CNBD1: variants seen among roughly 807,000 people sequenced by gnomAD.
The protein encoded by CNBD1 is cyclic nucleotide binding domain containing 1, also known as cyclic nucleotide-binding domain-containing protein 1.
CNBD1 carries 71 observed loss-of-function variants against 54.4 expected under a neutral mutation model. The observed-to-expected ratio is 1.30, with a 90% CI of 1.08 to 1.59. CNBD1 has a LOEUF of 1.59. Among genes scored for constraint, CNBD1 ranks in the 40% most tolerant of loss-of-function variants. CNBD1 has a pLI of 0.00. For synonymous variants in CNBD1, 182 were observed against 170.7 expected (o/e 1.07, Z -0.51); for missense variants, 659 against 518.0 (o/e 1.27, Z -2.64).
chr8:87,216,193 A>C (rs1814208087), intron 5 of CNBD1, among the ~76,000 whole-genome samples: 2 of 152,184 alleles, frequency 1.3e-5, no homozygotes, highest in African/African-American at 4.8e-5. Flanking sequence ...GCTCCTAGAG[A>C]GCCCTGTGAT....
intron 4 of CNBD1, among the ~76,000 whole-genome samples, chr8:87,050,940 A>C (rs1810298775): frequency 6.6e-6 from 1 of 152,162 alleles, no homozygotes; most frequent in Non-Finnish European, 1.5e-5. Context: ...GGAATCCTTA[A>C]GGTGAATCTG....
rs199825916 is a variant in CNBD1 at position 87,220,866 on chromosome 8, C to T, written c.577+14728C>T. Among the ~76,000 whole-genome samples the T allele has an allele frequency of 3.3e-5, 5 of 151,594 alleles. No homozygotes were observed. The South Asian group carries it at 8.3e-4, about 25-fold the overall frequency. ...AAAATGTGGGTATATTTTAATATCTCGATAGTTGTCTACAAATGATCAGAA... is the reference window on the plus strand; with the variant it reads ...AAAATGTGGGTATATTTTAATATCTTGATAGTTGTCTACAAATGATCAGAA... On this transcript the variant is annotated intron_variant, in intron 5 of 10. Transcript: ENST00000518476.
At chr8:87,267,077 A>G (rs1002856023) in intron 6 of CNBD1, among the ~76,000 whole-genome samples, 3 of 152,304 alleles carry the variant, frequency 2.0e-5, no homozygotes, top group African/African-American at 7.2e-5. Flanking sequence ...AAGACAAGGC[A>G]CACACTGAGT....
intron 4 of CNBD1, among the ~76,000 whole-genome samples, chr8:87,042,955 T>C (rs1226215064): frequency 2.0e-5 from 3 of 152,112 alleles, no homozygotes; most frequent in African/African-American, 2.4e-5. Flanking sequence ...GTGTGTGTTG[T>C]TGTGGGTGGA....
intron 4 of CNBD1, among the ~76,000 whole-genome samples, chr8:86,987,696 G>A (rs1381923124): frequency 6.6e-6 from 1 of 152,104 alleles, no homozygotes; most frequent in Non-Finnish European, 1.5e-5. Flanking sequence ...CGTCTGTTGG[G>A]AGTTTGTATC....
intron 4 of CNBD1, among the ~76,000 whole-genome samples, chr8:87,036,467 G>A (rs1176675026): frequency 6.6e-5 from 10 of 151,878 alleles, no homozygotes; most frequent in Admixed American, 1.3e-4. Context: ...GGTGGTGGGC[G>A]CCTGTAGTCC....
chr8:87,288,144 C>T (rs748374658), intron 8 of CNBD1, among the ~76,000 whole-genome samples: 3 of 152,044 alleles, frequency 2.0e-5, no homozygotes, highest in Non-Finnish European at 2.9e-5. Flanking sequence ...ATTCAAGTAC[C>T]TGTAATGATG....
chr8:87,128,836 C>A (rs1024353838), intron 4 of CNBD1, among the ~76,000 whole-genome samples: 7 of 150,454 alleles, frequency 4.7e-5, no homozygotes, highest in African/African-American at 1.7e-4. Context: ...TTAATCCTAG[C>A]ACTTTGGGAG....
intron 8 of CNBD1, among the ~76,000 whole-genome samples, chr8:87,289,517 A>G (rs1241004951): frequency 6.6e-6 from 1 of 152,088 alleles, no homozygotes; most frequent in Non-Finnish European, 1.5e-5. Flanking sequence ...AAAATGGTAA[A>G]CTGACTTGGC....
chr8:87,422,818 T>G (rs958248190), intron 2 of CNBD1, among the ~76,000 whole-genome samples: 2 of 152,148 alleles, frequency 1.3e-5, no homozygotes, highest in Non-Finnish European at 2.9e-5. Flanking sequence ...AAGAAAGGCA[T>G]TGGTAGCTTG....
intron 10 of CNBD1, among the ~76,000 whole-genome samples, chr8:87,360,822 T>C (rs1810510611): frequency 6.6e-6 from 1 of 151,966 alleles, no homozygotes; most frequent in Non-Finnish European, 1.5e-5. Flanking sequence ...TCTGAAAGTT[T>C]CTGCTTGTTT....
intron 4 of CNBD1, among the ~76,000 whole-genome samples, chr8:87,018,783 C>T (rs1317674892): frequency 6.6e-6 from 1 of 152,110 alleles, no homozygotes; most frequent in Non-Finnish European, 1.5e-5. Context: ...GGCCCAGGGA[C>T]TATTGCAGAA....
At chr8:87,107,805 C>T (rs1811572939) in intron 4 of CNBD1, among the ~76,000 whole-genome samples, 1 of 152,190 alleles carries the variant, frequency 6.6e-6, no homozygotes, top group South Asian at 2.1e-4. Context: ...GAACTGATCT[C>T]CTGGGAAGGC....
At chr8:87,160,470 TCA>T (rs1315098758) in intron 4 of CNBD1, among the ~76,000 whole-genome samples, 1 of 152,156 alleles carries the variant, frequency 6.6e-6, no homozygotes, top group Non-Finnish European at 1.5e-5. Flanking sequence ...TTCGTTTGTT[TCA>T]GAGTAGCATT....
At chr8:87,003,743 A>G (rs1809039558) in intron 4 of CNBD1, among the ~76,000 whole-genome samples, 1 of 152,180 alleles carries the variant, frequency 6.6e-6, no homozygotes, top group African/African-American at 2.4e-5. Flanking sequence ...ACAAAGGGAG[A>G]AGGAGGAAAT....
chr8:87,342,239 C>T (rs1188907617), intron 8 of CNBD1, among the ~76,000 whole-genome samples: 1 of 150,920 alleles, frequency 6.6e-6, no homozygotes, highest in East Asian at 1.9e-4. Flanking sequence ...TGCCACTGCA[C>T]TCCAGCCTGG....
chr8:87,211,061 AC>A (rs2130801329), intron 5 of CNBD1, among the ~76,000 whole-genome samples: 1 of 152,242 alleles, frequency 6.6e-6, no homozygotes, highest in Non-Finnish European at 1.5e-5. Context: ...GGAGCCCACC[AC>A]TTGTACCAGT....
chr8:87,406,980 A>T (rs1586083312), intron 2 of CNBD1, among the ~76,000 whole-genome samples: 1 of 152,230 alleles, frequency 6.6e-6, no homozygotes, highest in Non-Finnish European at 1.5e-5. Context: ...TTATAAAATC[A>T]ATGAATAACT....
intron 8 of CNBD1, among the ~76,000 whole-genome samples, chr8:87,312,276 G>T (rs578208659): frequency 2.6e-5 from 4 of 152,094 alleles, no homozygotes; most frequent in East Asian, 3.9e-4. Context: ...AGGTTGCAAT[G>T]CTTTCATTTT....
Sources: allele counts gnomAD v4.1 joint callset (sites outside exome capture counted in the v4.1 genomes callset), GRCh38; gene constraint gnomAD v4.1.1; transcripts MANE v1.5; gene names NCBI Gene and HGNC (gene_info 2026-07-23, HGNC 2026-07-21).